SESN1: variants seen among roughly 807,000 people sequenced by gnomAD.
SESN1 encodes the protein sestrin-1.
SESN1 carries 30 observed loss-of-function variants against 59.3 expected under a neutral mutation model. The ratio of observed to expected loss-of-function variants is 0.51; its 90% CI spans 0.38 to 0.69. The LOEUF is 0.69. Among genes scored for constraint, SESN1 ranks in the 30% least tolerant of loss-of-function variants. SESN1 has a pLI of 0.00. For synonymous variants in SESN1, 197 were observed against 219.9 expected (o/e 0.90, Z 0.92); for missense variants, 566 against 673.0 (o/e 0.84, Z 1.76).
intron 1 of SESN1, chr6:109,009,454 A>G (rs1329181188): frequency 1.5e-6 from 2 of 1,319,066 alleles, no homozygotes; most frequent in Non-Finnish European, 1.9e-6. Context: ...GCGGCGGCCA[A>G]GCGCATGTCG....
chr6:108,992,965 A>C, intron 6 of SESN1, 66 bp from the exon 7 acceptor site: 1 of 1,032,394 alleles, frequency 9.7e-7, no homozygotes, highest in Non-Finnish European at 1.5e-6. Context: ...TTTTACCCAA[A>C]GGAGTAAAAA....
chr6:108,996,420 T>C (rs1779503234), intron 5 of SESN1, among the ~76,000 whole-genome samples: 1 of 152,142 alleles, frequency 6.6e-6, no homozygotes, highest in African/African-American at 2.4e-5. Context: ...TGAAAAGGAT[T>C]AGGTTTCATG....
chr6:109,090,182 A>T (rs1173861733), intron 1 of SESN1, among the ~76,000 whole-genome samples: 1 of 152,210 alleles, frequency 6.6e-6, no homozygotes, highest in African/African-American at 2.4e-5. Context: ...CAGGAACCAT[A>T]AGCATAATGC....
chr6:109,009,323 G>A, intron 1 of SESN1: 3 of 1,456,640 alleles, frequency 2.1e-6, no homozygotes, highest in South Asian at 1.3e-5. Context: ...ACCCGCCCAG[G>A]TACCCAGCGG....
At chr6:109,074,856 T>C (rs541410404) in intron 1 of SESN1, among the ~76,000 whole-genome samples, 1 of 152,372 alleles carries the variant, frequency 6.6e-6, no homozygotes, top group South Asian at 2.1e-4. Context: ...GGACAAATGC[T>C]GTTTTGCTTT....
At chr6:109,002,678 C>T (rs1036718844) in intron 1 of SESN1, among the ~76,000 whole-genome samples, 1 of 152,164 alleles carries the variant, frequency 6.6e-6, no homozygotes, top group African/African-American at 2.4e-5. Flanking sequence ...TGTGTTTGTA[C>T]ATCTAAAACT....
chr6:109,010,332 T>G (rs776520551), intron 1 of SESN1, among the ~76,000 whole-genome samples: 1 of 152,216 alleles, frequency 6.6e-6, no homozygotes, highest in Non-Finnish European at 1.5e-5. Context: ...CCTGTGTCAG[T>G]ACTATTTCTT....
chr6:109,008,647 A>C (rs1779784826), intron 1 of SESN1: 1 of 340,206 alleles, frequency 2.9e-6, no homozygotes, highest in African/African-American at 2.2e-5. Flanking sequence ...ATTTCAATCC[A>C]AATTTAAGGT....
At chr6:108,993,337 G>C (rs1233946632) in intron 6 of SESN1, among the ~76,000 whole-genome samples, 1 of 152,044 alleles carries the variant, frequency 6.6e-6, no homozygotes, top group Middle Eastern at 3.2e-3. Context: ...AAATCCCATG[G>C]GTTAACATTT....
intron 8 of SESN1, among the ~76,000 whole-genome samples, chr6:108,989,530 T>C (rs1040514243): frequency 3.9e-5 from 4 of 103,484 alleles, no homozygotes; most frequent in African/African-American, 1.3e-4. Flanking sequence ...GAGATATCTA[T>C]AGAGATAGAG....
chr6:109,032,917 AACAGAGAGC>A (rs1780205407), intron 1 of SESN1, among the ~76,000 whole-genome samples: 3 of 152,176 alleles, frequency 2.0e-5, no homozygotes, highest in African/African-American at 7.2e-5. Flanking sequence ...GTCATTTAAC[AACAGAGAGC>A]ACAGTGCCTT....
intron 1 of SESN1, among the ~76,000 whole-genome samples, chr6:109,072,453 G>A (rs1330735057): frequency 6.6e-6 from 1 of 152,068 alleles, no homozygotes; most frequent in African/African-American, 2.4e-5. Flanking sequence ...TCCCCAAGTC[G>A]CATGTTTTTA....
intron 1 of SESN1, among the ~76,000 whole-genome samples, chr6:109,004,614 TAG>T (rs1240866366): frequency 1.4e-5 from 2 of 145,222 alleles, no homozygotes; most frequent in African/African-American, 5.7e-5. Context: ...GTATTTTTAG[TAG>T]AGACAGGGTT....
intron 1 of SESN1, among the ~76,000 whole-genome samples, chr6:109,022,560 C>T (rs1048291860): frequency 6.6e-6 from 1 of 151,422 alleles, no homozygotes; most frequent in South Asian, 2.1e-4. Context: ...AGGTGCCCAC[C>T]ACCACGCCCG....
chr6:109,021,537 A>T (rs1194129914), intron 1 of SESN1, among the ~76,000 whole-genome samples: 1 of 151,698 alleles, frequency 6.6e-6, no homozygotes, highest in African/African-American at 2.4e-5. Flanking sequence ...TCCCGGGTTC[A>T]AGCAATTCTC....
At chr6:109,046,977 G>T (rs868245954) in intron 1 of SESN1, among the ~76,000 whole-genome samples, 1 of 97,282 alleles carries the variant, frequency 1.0e-5, no homozygotes, top group African/African-American at 4.0e-5. Context: ...CAGCCACCCC[G>T]TCCGGGAGGG....
At chr6:109,006,783 T>C (rs1164444047) in intron 1 of SESN1, among the ~76,000 whole-genome samples, 2 of 152,178 alleles carry the variant, frequency 1.3e-5, no homozygotes, top group Non-Finnish European at 2.9e-5. Context: ...TCTTTTCTAG[T>C]AGATGCTGAT....
intron 1 of SESN1, among the ~76,000 whole-genome samples, chr6:109,047,527 C>T (rs1780472363): frequency 7.5e-6 from 1 of 132,718 alleles, no homozygotes; most frequent in Non-Finnish European, 1.7e-5. Context: ...AGGGGCGCCT[C>T]TGCCCGGCCG....
At chr6:109,069,443 T>A (rs931658214) in intron 1 of SESN1, among the ~76,000 whole-genome samples, 2 of 152,134 alleles carry the variant, frequency 1.3e-5, no homozygotes, top group Non-Finnish European at 2.9e-5. Flanking sequence ...TGAGAGAAAA[T>A]GATTTTAACC....
Sources: gnomAD v4.1 joint callset for allele counts (sites outside exome capture counted in the v4.1 genomes callset) on GRCh38, gnomAD v4.1.1 for gene constraint, MANE v1.5 for transcripts, NCBI Gene and HGNC (gene_info 2026-07-23, HGNC 2026-07-21) for gene names.